The following CCDC73 variants were observed in gnomAD, a reference collection of about 807,000 sequenced individuals.
CCDC73 encodes coiled-coil domain-containing protein 73.
Under a neutral mutation model 116.5 loss-of-function variants are expected in CCDC73, and 95 were observed. That is an observed-to-expected ratio of 0.82 (90% confidence interval 0.69 to 0.97). The LOEUF is 0.97. Ranked by LOEUF, CCDC73 falls within the 50% of genes least tolerant of loss-of-function variation. CCDC73 has a pLI of 0.00. For synonymous variants in CCDC73, 398 were observed against 401.3 expected (o/e 0.99, Z 0.10); for missense variants, 1,066 against 1,206.8 (o/e 0.88, Z 1.73).
intron 7 of CCDC73, among the ~76,000 whole-genome samples, chr11:32,676,453 G>A (rs1233527458): frequency 6.6e-6 from 1 of 152,132 alleles, no homozygotes; most frequent in African/African-American, 2.4e-5. Flanking sequence ...CAATTTGCTA[G>A]AATAATTTCA....
Position 32,769,327 on chromosome 11 carries a change from G to A in CCDC73, c.-15-9069C>T, listed in dbSNP as rs536443773. 3.9e-5 allele frequency among the ~76,000 whole-genome samples: 6 copies of A among 152,238 alleles called. No homozygotes were observed. In the South Asian group the frequency reaches 1.0e-3, roughly 26 times the overall value. ...TCTGTTCTCTGCTGGGTTTATTAAT[G>A]AGTCTGTGATCAGCTGTCTGTCTGA... On this transcript the variant is annotated intron_variant, in intron 1 of 17. Coordinates refer to ENST00000335185, the MANE Select transcript of CCDC73 (RefSeq NM_001008391.4).
chr11:32,738,088 T>C (rs1449084132), intron 2 of CCDC73, among the ~76,000 whole-genome samples: 1 of 152,224 alleles, frequency 6.6e-6, no homozygotes, highest in Non-Finnish European at 1.5e-5. Context: ...CACATTTTCA[T>C]TATCCATTCA....
Position 32,671,663 on chromosome 11 carries a change from A to G in CCDC73, c.645+3902T>C, listed in dbSNP as rs1211799588. On this transcript the variant is annotated intron_variant, in intron 9 of 17. Coordinates refer to ENST00000335185, the MANE Select transcript of CCDC73 (RefSeq NM_001008391.4). ...AATTAGTGTACTTAGAATGTCTACAATATTAAAAACTGGCTCTGAATATGT... is the reference window on the plus strand; with the variant it reads ...AATTAGTGTACTTAGAATGTCTACAGTATTAAAAACTGGCTCTGAATATGT... Among the ~76,000 whole-genome samples, 4 of 152,252 alleles carry G rather than the reference A, an allele frequency of 2.6e-5. No homozygotes were observed. The East Asian group carries it at 7.7e-4, about 29-fold the overall frequency.
intron 2 of CCDC73, among the ~76,000 whole-genome samples, chr11:32,719,264 T>C (rs12271181): frequency 0.01 from 1,570 of 152,232 alleles, 25 homozygotes; most frequent in African/African-American, 0.036. Context: ...ACAGGCAGAG[T>C]TGAAAACTGC....
chr11:32,760,731 C>T (rs1352413228), intron 1 of CCDC73, among the ~76,000 whole-genome samples: 1 of 152,194 alleles, frequency 6.6e-6, no homozygotes, highest in Non-Finnish European at 1.5e-5. Flanking sequence ...ATATTTTTCT[C>T]AACCCAGAAA....
the CCDC73 span, among the ~76,000 whole-genome samples, chr11:32,804,077 T>G: frequency 1.2e-4 from 18 of 152,254 alleles, no homozygotes; most frequent in Middle Eastern, 3.4e-3. Flanking sequence ...CCCAAAATAC[T>G]GGGATTACAG....
At position 32,614,776 on chromosome 11, in the gene CCDC73, T is replaced by G; in HGVS notation, c.1542A>C (p.Thr514=). The G allele has an allele frequency of 6.2e-7, 1 of 1,613,428 alleles. No homozygotes were observed. Among genetic ancestry groups the G allele is most frequent in the Non-Finnish European group, 8.5e-7 (1 of 1,179,660 alleles). Residue 514 remains threonine (T), a synonymous_variant, in exon 16 of 18, where the codon ACA becomes ACC. Transcript: ENST00000335185. Reference sequence around the variant, plus strand: ...CCAAGCATATCTTGTCTTTTATTTCTGTAGTAACTGATTTTCTGTTGTCCG... The same window carrying G: ...CCAAGCATATCTTGTCTTTTATTTCGGTAGTAACTGATTTTCTGTTGTCCG... ...NVTDNRKSVT[T]EIKDKICLEK...
At chr11:32,790,047 T>C (rs1850661811) in intron 1 of CCDC73, among the ~76,000 whole-genome samples, 1 of 152,108 alleles carries the variant, frequency 6.6e-6, no homozygotes, top group African/African-American at 2.4e-5. Flanking sequence ...GGAAGAAACA[T>C]CATTTTAAAT....
chr11:32,772,724 A>C (rs975548834), intron 1 of CCDC73, among the ~76,000 whole-genome samples: 1 of 152,206 alleles, frequency 6.6e-6, no homozygotes, highest in African/African-American at 2.4e-5. Context: ...TAAGGTTATA[A>C]AGGTGTTAGT....
chr11:32,699,224 T>C (rs774635709), intron 6 of CCDC73, 27 bp downstream of exon 6: 2 of 1,554,922 alleles, frequency 1.3e-6, no homozygotes, highest in Non-Finnish European at 1.7e-6. Context: ...CCAAACTACT[T>C]TTTAAACAAT....
intron 2 of CCDC73, among the ~76,000 whole-genome samples, chr11:32,755,775 GTATA>G (rs1241412969): frequency 9.5e-6 from 1 of 105,064 alleles, no homozygotes; most frequent in Non-Finnish European, 1.8e-5. Context: ...ATATATATGT[GTATA>G]TATATATATC....
the CCDC73 span, among the ~76,000 whole-genome samples, chr11:32,820,158 G>T: frequency 4.6e-5 from 7 of 152,070 alleles, no homozygotes; most frequent in Non-Finnish European, 1.0e-4. Context: ...GAATGAACTG[G>T]AACTTTTTTT....
intron 12 of CCDC73, among the ~76,000 whole-genome samples, chr11:32,646,055 T>G (rs1362944664): frequency 6.6e-6 from 1 of 152,206 alleles, no homozygotes; most frequent in African/African-American, 2.4e-5. Flanking sequence ...TATGGGAGAA[T>G]AAACCACAGT....
chr11:32,726,829 T>C (rs1850033687), intron 2 of CCDC73, among the ~76,000 whole-genome samples: 1 of 152,150 alleles, frequency 6.6e-6, no homozygotes, highest in Non-Finnish European at 1.5e-5. Flanking sequence ...AAAAGAAGTA[T>C]ACTTCTAAGT....
chr11:32,615,123 A>T (rs1390260818), intron 15 of CCDC73, among the ~76,000 whole-genome samples, 181 bp from the exon 16 acceptor site: 4 of 152,118 alleles, frequency 2.6e-5, no homozygotes, highest in Non-Finnish European at 4.4e-5. Flanking sequence ...ATTGTATCAA[A>T]TATATCTTTA....
At chr11:32,626,138 G>A (rs192894099) in intron 14 of CCDC73, among the ~76,000 whole-genome samples, 2,564 of 151,932 alleles carry the variant, frequency 0.017, 74 homozygotes, top group African/African-American at 0.057. Flanking sequence ...AAAGTCTCAG[G>A]ATACAAAATC....
At chr11:32,779,653 A>G (rs1004803508) in intron 1 of CCDC73, among the ~76,000 whole-genome samples, 2 of 152,170 alleles carry the variant, frequency 1.3e-5, no homozygotes, top group Admixed American at 1.3e-4. Context: ...TACTTGGATT[A>G]CCTTCCCATT....
chr11:32,664,206 G>A (rs867646185), intron 9 of CCDC73, among the ~76,000 whole-genome samples: 2 of 152,144 alleles, frequency 1.3e-5, no homozygotes, highest in Non-Finnish European at 2.9e-5. Context: ...AAATGAGTTA[G>A]GGAGGATTCC....
chr11:32,775,025 G>A (rs990648039), intron 1 of CCDC73, among the ~76,000 whole-genome samples: 1 of 152,138 alleles, frequency 6.6e-6, no homozygotes, highest in African/African-American at 2.4e-5. Flanking sequence ...CAAAAAATAT[G>A]AGGAAAAAAT....
Sources: allele counts gnomAD v4.1 joint callset (sites outside exome capture counted in the v4.1 genomes callset), GRCh38; gene constraint gnomAD v4.1.1; transcripts MANE v1.5; gene names NCBI Gene and HGNC (gene_info 2026-07-23, HGNC 2026-07-21).